The following RALYL variants were observed in gnomAD, a reference collection of about 807,000 sequenced individuals.
The protein encoded by RALYL is RALY RNA binding protein like.
RALYL carries 29 observed loss-of-function variants against 35.1 expected under a neutral mutation model. That is an observed-to-expected ratio of 0.83 (90% CI 0.61 to 1.13). The LOEUF is 1.13. RALYL is among the 50% of genes most tolerant of loss of function. The pLI is 0.00. For synonymous variants in RALYL, 120 were observed against 127.6 expected (o/e 0.94, Z 0.40); for missense variants, 359 against 360.4 (o/e 1.00, Z 0.03).
At chr8:84,258,962 A>G (rs1276835984) in intron 1 of RALYL, among the ~76,000 whole-genome samples, 2 of 152,170 alleles carry the variant, frequency 1.3e-5, no homozygotes, top group Non-Finnish European at 2.9e-5. Flanking sequence ...ATTGAAAGAC[A>G]TTAATTTATT....
chr8:84,879,458 C>T (rs1471555296), intron 7 of RALYL, among the ~76,000 whole-genome samples: 2 of 151,974 alleles, frequency 1.3e-5, no homozygotes, highest in Non-Finnish European at 2.9e-5. Context: ...TTATTAAATC[C>T]AATTTACAAT....
At chr8:84,764,063 C>A (rs1355034366) in intron 2 of RALYL, among the ~76,000 whole-genome samples, 1 of 152,194 alleles carries the variant, frequency 6.6e-6, no homozygotes, top group Admixed American at 6.6e-5. Flanking sequence ...GCCGAGTTTC[C>A]TGGTAGATGT....
chr8:84,376,760 AT>A (rs1379721435), intron 1 of RALYL, among the ~76,000 whole-genome samples: 1 of 151,774 alleles, frequency 6.6e-6, no homozygotes, highest in Admixed American at 6.6e-5. Flanking sequence ...CATTGAGGGT[AT>A]TTTCCTGTCT....
intron 2 of RALYL, among the ~76,000 whole-genome samples, chr8:84,672,709 C>T (rs758272178): frequency 3.0e-4 from 46 of 152,164 alleles, no homozygotes; most frequent in Non-Finnish European, 6.0e-4. Context: ...GGGGAAGTGC[C>T]CTTTATAAAA....
chr8:84,580,710 T>C (rs1318830900), intron 2 of RALYL, among the ~76,000 whole-genome samples: 1 of 152,236 alleles, frequency 6.6e-6, no homozygotes, highest in Non-Finnish European at 1.5e-5. Context: ...AATAGTAATG[T>C]ATCTTATTAT....
chr8:84,215,444 GT>G, intron 1 of RALYL, among the ~76,000 whole-genome samples: 1 of 151,402 alleles, frequency 6.6e-6, no homozygotes, highest in African/African-American at 2.4e-5. Context: ...ATATTTAAAA[GT>G]TTATTCATTT....
At chr8:84,369,829 A>G (rs1003599006) in intron 1 of RALYL, among the ~76,000 whole-genome samples, 1 of 152,096 alleles carries the variant, frequency 6.6e-6, no homozygotes, top group Non-Finnish European at 1.5e-5. Context: ...AAAAATTCTT[A>G]CGAATTTTTT....
intron 2 of RALYL, among the ~76,000 whole-genome samples, chr8:84,616,472 A>C (rs1415072492): frequency 6.7e-6 from 1 of 148,692 alleles, no homozygotes; most frequent in East Asian, 2.0e-4. Context: ...GTTTGAGTTC[A>C]TTGTAGATTC....
chr8:84,864,814 A>G, intron 6 of RALYL: 1 of 610,566 alleles, frequency 1.6e-6, no homozygotes, highest in Non-Finnish European at 3.1e-6. Context: ...GCTTCTGTGT[A>G]GTAGTCAATG....
chr8:84,744,431 T>C (rs1808121780), intron 2 of RALYL, among the ~76,000 whole-genome samples: 1 of 151,974 alleles, frequency 6.6e-6, no homozygotes. Flanking sequence ...TGCCTTTTTC[T>C]CTTTAGGTCC....
chr8:84,563,337 T>C (rs1232445733), intron 2 of RALYL, among the ~76,000 whole-genome samples: 1 of 151,642 alleles, frequency 6.6e-6, no homozygotes, highest in African/African-American at 2.4e-5. Context: ...ATTAAGAGCA[T>C]TGAGAAATTA....
intron 2 of RALYL, among the ~76,000 whole-genome samples, chr8:84,546,581 G>A (rs1347367194): frequency 6.6e-6 from 1 of 152,204 alleles, no homozygotes; most frequent in Non-Finnish European, 1.5e-5. Flanking sequence ...CCACTTGGCT[G>A]TGATGTATTT....
intron 1 of RALYL, among the ~76,000 whole-genome samples, chr8:84,377,451 GTTTTTTTT>G (rs369746268): frequency 1.3e-4 from 11 of 83,722 alleles, no homozygotes; most frequent in South Asian, 4.1e-4. Flanking sequence ...AAGGTTAACT[GTTTTTTTT>G]TTTTTTTTTT....
At chr8:84,812,321 G>T (rs1413116468) in intron 4 of RALYL, among the ~76,000 whole-genome samples, 1 of 152,144 alleles carries the variant, frequency 6.6e-6, no homozygotes, top group Admixed American at 6.5e-5. Context: ...GGTACTGGGG[G>T]TTGTCTGCAG....
intron 8 of RALYL, among the ~76,000 whole-genome samples, chr8:84,910,487 T>C (rs1847323955): frequency 6.6e-6 from 1 of 152,104 alleles, no homozygotes; most frequent in Non-Finnish European, 1.5e-5. Context: ...TGTTATTATG[T>C]CTAAATGAGA....
intron 1 of RALYL, among the ~76,000 whole-genome samples, chr8:84,278,744 C>T (rs1835929175): frequency 2.0e-5 from 3 of 152,132 alleles, no homozygotes; most frequent in African/African-American, 7.2e-5. Context: ...ACAAATTGTT[C>T]ATCTCCACCT....
chr8:84,322,243 C>T (rs1845000074), intron 1 of RALYL, among the ~76,000 whole-genome samples: 1 of 152,012 alleles, frequency 6.6e-6, no homozygotes, highest in Non-Finnish European at 1.5e-5. Flanking sequence ...GAAGTATCCA[C>T]CAAAGTAGAT....
intron 1 of RALYL, among the ~76,000 whole-genome samples, chr8:84,433,526 C>T (rs7818209): frequency 0.34 from 51,178 of 151,776 alleles, 9,158 homozygotes; most frequent in South Asian, 0.52. Context: ...AGAGACCCAG[C>T]GGGAGGTGAT....
intron 1 of RALYL, among the ~76,000 whole-genome samples, chr8:84,212,594 T>G (rs2217977): frequency 0.28 from 42,646 of 151,980 alleles, 6,394 homozygotes; most frequent in African/African-American, 0.38. Flanking sequence ...ATTTCAGAAT[T>G]CAGGAAACAA....
Sources: gnomAD v4.1 joint callset for allele counts (sites outside exome capture counted in the v4.1 genomes callset) on GRCh38, gnomAD v4.1.1 for gene constraint, MANE v1.5 for transcripts, NCBI Gene and HGNC (gene_info 2026-07-23, HGNC 2026-07-21) for gene names.